STON1: variants seen among roughly 807,000 people sequenced by gnomAD.
STON1 encodes stonin-1.
Under a neutral mutation model 60.9 loss-of-function variants are expected in STON1, and 79 were observed. The ratio of observed to expected loss-of-function variants is 1.30; its 90% CI spans 1.08 to 1.56. STON1 has a LOEUF of 1.56. Ranked by LOEUF, STON1 falls within the 40% of genes most tolerant of loss-of-function variation. STON1 has a pLI of 0.00. For synonymous variants in STON1, 363 were observed against 306.9 expected (o/e 1.18, Z -1.91); for missense variants, 1,166 against 858.9 (o/e 1.36, Z -4.47).
Position 48,540,119 on chromosome 2 carries a change from C to T in STON1, c.-48+9903C>T, listed in dbSNP as rs17037363. Among the ~76,000 whole-genome samples, 940 of 152,242 alleles carry T rather than the reference C, an allele frequency of 6.2e-3. 10 individuals are homozygous for T. The highest frequency in any genetic ancestry group is 0.021 in the African/African-American group (888 of 41,538). ...ATACATTGACCTAACTTCCACTTCC[C>T]TCTGTTTCTGGTACCTGGAGATTTC... On this transcript the variant is annotated intron_variant, in intron 1 of 3. Transcript: ENST00000404752.
At chr2:48,533,805 C>G (rs1186702753) in intron 1 of STON1, among the ~76,000 whole-genome samples, 1 of 134,018 alleles carries the variant, frequency 7.5e-6, no homozygotes, top group Non-Finnish European at 1.5e-5. Flanking sequence ...GTTTTGCTCT[C>G]GTTGCCCAGG....
chr2:48,544,993 C>T (rs952832183), intron 1 of STON1, among the ~76,000 whole-genome samples: 8 of 152,318 alleles, frequency 5.3e-5, no homozygotes, highest in African/African-American at 1.7e-4. Flanking sequence ...TGGCTTGAGG[C>T]AGAGCCTTAT....
chr2:48,588,982 G>T (rs1172941997), intron 2 of STON1, among the ~76,000 whole-genome samples: 2 of 152,168 alleles, frequency 1.3e-5, no homozygotes, highest in Non-Finnish European at 2.9e-5. Flanking sequence ...GAAAGAGAAA[G>T]GAAGAAAGAG....
intron 1 of STON1, among the ~76,000 whole-genome samples, chr2:48,550,497 C>CA (rs370025098): frequency 0.043 from 4,870 of 112,900 alleles, 106 homozygotes; most frequent in Middle Eastern, 0.12. Flanking sequence ...AACTCTATCT[C>CA]AAAAAAAAAA....
chr2:48,591,648 T>C lies in STON1; in HGVS notation c.1931-5T>C. The C allele has an allele frequency of 1.2e-6, 2 of 1,612,254 alleles. No individual in the cohort carries two copies. The highest frequency in any genetic ancestry group is 1.7e-6 in the Non-Finnish European group (2 of 1,179,316). On this transcript the variant is annotated splice_polypyrimidine_tract_variant and splice_region_variant and intron_variant, in intron 2 of 3. Transcript: ENST00000404752. The stretch of plus-strand genomic sequence containing the variant: ...CTTTGACTATTTGATTTTTTTTCCC[T>C]CGAGGTCTAGATCATCCCCATTGTC...
intron 1 of STON1, chr2:48,531,160 A>G (rs894323255): frequency 6.6e-6 from 1 of 152,206 alleles, no homozygotes; most frequent in Non-Finnish European, 1.5e-5. Flanking sequence ...TTTTCAGACT[A>G]ACCGCAAACA....
At chr2:48,534,788 G>A (rs1024770635) in intron 1 of STON1, among the ~76,000 whole-genome samples, 9 of 152,152 alleles carry the variant, frequency 5.9e-5, no homozygotes, top group Admixed American at 5.9e-4. Flanking sequence ...TCTCCTAAGA[G>A]GGGGTGAGGA....
intron 1 of STON1, among the ~76,000 whole-genome samples, chr2:48,565,351 C>A (rs936978097): frequency 1.3e-5 from 2 of 152,186 alleles, no homozygotes; most frequent in African/African-American, 4.8e-5. Context: ...CGCGCCCAGC[C>A]TCCGACTTCT....
rs145779115 is a variant in STON1 at position 48,581,693 on chromosome 2, T to C, written c.1060T>C (p.Tyr354His). Reference protein sequence around the residue: ...IHTVKIEHVSYTEKRKYHSKT... With the variant: ...IHTVKIEHVSHTEKRKYHSKT... ...CACTGTGAAGATTGAACATGTGTCT[T>C]ACACAGAAAAAAGGAAATACCATTC... Residue 354 changes from tyrosine to histidine, a missense_variant, in exon 2 of 4, where the codon TAC becomes CAC. Transcript: ENST00000404752. 39 of 1,611,334 alleles carry C rather than the reference T, an allele frequency of 2.4e-5. No homozygotes were observed. The highest frequency in any genetic ancestry group is 1.6e-4 in the Middle Eastern group (1 of 6,066).
At chr2:48,577,589 A>AG (rs1341011082) in intron 1 of STON1, among the ~76,000 whole-genome samples, 2 of 151,850 alleles carry the variant, frequency 1.3e-5, no homozygotes, top group Non-Finnish European at 1.5e-5. Flanking sequence ...TCATAAAAAA[A>AG]AAAAGAAAAA....
At position 48,595,810 on chromosome 2, in the gene STON1, A is replaced by C. The variant is rs1213821776; in HGVS notation, c.*508A>C. 6.5e-6 allele frequency: 1 copy of C among 153,812 alleles called. No individual in the cohort carries two copies. The highest frequency in any genetic ancestry group is 2.4e-5 in the African/African-American group (1 of 41,468). 9.5% of individuals were successfully genotyped at this position (153,812 alleles called of 1,614,324 possible). On this transcript the variant is annotated 3_prime_UTR_variant, in exon 4 of 4. Transcript: ENST00000404752. ...GTTGAAACCACAGGCTAAAATGTAG[A>C]TCTGGAAGTATCTGTGCTTTTGAAT... is the stretch of plus-strand genomic sequence containing the variant.
intron 2 of STON1, among the ~76,000 whole-genome samples, chr2:48,589,865 A>G (rs1460128144): frequency 6.6e-6 from 1 of 152,234 alleles, no homozygotes; most frequent in Non-Finnish European, 1.5e-5. Flanking sequence ...ACTTTGCAAA[A>G]TAATATGTCT....
chr2:48,545,667 C>A (rs1671835892), intron 1 of STON1, among the ~76,000 whole-genome samples: 1 of 152,174 alleles, frequency 6.6e-6, no homozygotes, highest in Non-Finnish European at 1.5e-5. Flanking sequence ...GTTCCTTTAA[C>A]CTTATCCTTC....
chr2:48,535,300 A>T (rs150461779), intron 1 of STON1, among the ~76,000 whole-genome samples: 1 of 152,322 alleles, frequency 6.6e-6, no homozygotes, highest in East Asian at 1.9e-4. Context: ...ATCTTTCGAA[A>T]GCTTGCCTAT....
At chr2:48,532,626 C>T (rs1333496782) in intron 1 of STON1, among the ~76,000 whole-genome samples, 1 of 152,086 alleles carries the variant, frequency 6.6e-6, no homozygotes, top group Non-Finnish European at 1.5e-5. Flanking sequence ...TGCCTTTCTG[C>T]CTTGTCCAGC....
chr2:48,587,222 C>G (rs1045112678), intron 2 of STON1, among the ~76,000 whole-genome samples: 1 of 152,226 alleles, frequency 6.6e-6, no homozygotes, highest in African/African-American at 2.4e-5. Flanking sequence ...AGGCAGAGAT[C>G]ATTCCTCCCT....
intron 1 of STON1, among the ~76,000 whole-genome samples, chr2:48,573,045 C>T (rs1380175447): frequency 4.6e-5 from 7 of 152,230 alleles, no homozygotes. Flanking sequence ...CAGGCCCTGT[C>T]ACTTTTTGTC....
chr2:48,579,662 G>C (rs1370146819), intron 1 of STON1, among the ~76,000 whole-genome samples: 1 of 152,132 alleles, frequency 6.6e-6, no homozygotes. Flanking sequence ...AATGTTCTGT[G>C]TGTGCTTGAG....
At chr2:48,540,277 A>G (rs554481221) in intron 1 of STON1, among the ~76,000 whole-genome samples, 18 of 152,308 alleles carry the variant, frequency 1.2e-4, no homozygotes, top group African/African-American at 4.1e-4. Flanking sequence ...ATAACACCCC[A>G]CAGCCCTTGT....
Sources: allele counts gnomAD v4.1 joint callset (sites outside exome capture counted in the v4.1 genomes callset), GRCh38; gene constraint gnomAD v4.1.1; transcripts MANE v1.5; gene names NCBI Gene and HGNC (gene_info 2026-07-23, HGNC 2026-07-21).